Variants in NUP214 observed in about 807,000 individuals in gnomAD.
The protein encoded by NUP214 is nucleoporin 214.
In NUP214, 79 loss-of-function variants were observed where a neutral mutation model predicts 196.2. The observed-to-expected ratio is 0.40, with a 90% CI of 0.34 to 0.49. NUP214 has a LOEUF of 0.49. Among genes scored for constraint, NUP214 ranks in the 20% least tolerant of loss-of-function variants. The pLI, the probability that NUP214 is intolerant of heterozygous loss-of-function variation, is 0.58. For missense variants in NUP214, 2,468 were observed against 2,539.0 expected, an observed-to-expected ratio of 0.97 and a Z score of 0.60; for synonymous variants, 1,020 against 990.5, an observed-to-expected ratio of 1.03 and a Z score of -0.56.
intron 31 of NUP214, among the ~76,000 whole-genome samples, chr9:131,219,833 C>T (rs1164842265): frequency 6.6e-6 from 1 of 152,164 alleles, no homozygotes; most frequent in African/African-American, 2.4e-5. Flanking sequence ...AAGAAAATAT[C>T]TTGGAAAGTA....
At chr9:131,132,139 G>A (rs1831570472) in intron 5 of NUP214, among the ~76,000 whole-genome samples, 2 of 70,680 alleles carry the variant, frequency 2.8e-5, no homozygotes, top group Non-Finnish European at 5.7e-5. Flanking sequence ...TTTTTTTGGA[G>A]ACCAAGTTTT....
At chr9:131,149,155 C>A (rs1048494702) in intron 14 of NUP214, among the ~76,000 whole-genome samples, 5 of 139,696 alleles carry the variant, frequency 3.6e-5, no homozygotes, top group African/African-American at 1.3e-4. Context: ...ACCCTTGTAC[C>A]CTAACACACA....
chr9:131,169,839 A>G (rs995675104), intron 21 of NUP214, among the ~76,000 whole-genome samples: 37 of 152,156 alleles, frequency 2.4e-4, no homozygotes, highest in African/African-American at 7.7e-4. Flanking sequence ...CAGCTGGTCT[A>G]TGGTTGTAGT....
chr9:131,189,172 A>C (rs753396095), intron 26 of NUP214, 41 bp downstream of exon 26: 6 of 1,475,008 alleles, frequency 4.1e-6, no homozygotes, highest in Non-Finnish European at 5.7e-6. Flanking sequence ...TGAAAGAAGC[A>C]CTCCACAATA....
chr9:131,135,048 G>T (rs1564178691), intron 8 of NUP214, 44 bp downstream of exon 8: 1 of 1,283,766 alleles, frequency 7.8e-7, no homozygotes, highest in Non-Finnish European at 1.1e-6. Flanking sequence ...CTCACTGGAA[G>T]ATCACACCTG....
intron 5 of NUP214, among the ~76,000 whole-genome samples, chr9:131,132,064 T>G (rs1018153184): frequency 6.6e-6 from 1 of 151,614 alleles, no homozygotes; most frequent in South Asian, 2.1e-4. Context: ...TTGACTACTC[T>G]CATTACCTAT....
intron 11 of NUP214, among the ~76,000 whole-genome samples, chr9:131,142,391 G>C (rs1187621635): frequency 1.3e-5 from 2 of 152,248 alleles, no homozygotes; most frequent in African/African-American, 4.8e-5. Context: ...GTGTTCAGAT[G>C]TGTAGAAGAG....
At chr9:131,139,545 G>C in intron 10 of NUP214, 138 bp downstream of exon 10, 1 of 1,309,466 alleles carries the variant, frequency 7.6e-7, no homozygotes, top group Non-Finnish European at 1.0e-6. Context: ...TCTCCCTGAA[G>C]AGTGATAACA....
At chr9:131,177,709 G>A (rs1326411973) in intron 23 of NUP214, among the ~76,000 whole-genome samples, 8 of 152,054 alleles carry the variant, frequency 5.3e-5, no homozygotes, top group African/African-American at 1.7e-4. Flanking sequence ...AGTCTTTTGG[G>A]ATACAATTTA....
In NUP214 at chr9:131,197,323, A is replaced by C; in HGVS notation, c.3829A>C (p.Ile1277Leu). The change falls in exon 29 of 36, where the codon ATC (isoleucine) becomes CTC (leucine). Residue 1277 changes from isoleucine (I) to leucine (L), a missense_variant. Physicochemically the swap from Ile to Leu is conservative, Grantham distance 5. Transcript: ENST00000359428. ...AIPESSPPSGITSASNTTPGE... is the reference protein window; with the variant it reads ...AIPESSPPSGLTSASNTTPGE... ...TCCTGAAAGCTCACCTCCCTCAGGAATCACATCCGCATCAAACACCACCCC... is the reference window on the plus strand; with the variant it reads ...TCCTGAAAGCTCACCTCCCTCAGGACTCACATCCGCATCAAACACCACCCC... 6.2e-7 allele frequency: 1 copy of C among 1,614,196 alleles called. No individual in the cohort carries two copies. Among genetic ancestry groups the C allele is most frequent in the South Asian group, 1.1e-5 (1 of 91,088 alleles).
intron 26 of NUP214, chr9:131,190,288 T>C: frequency 1.9e-6 from 1 of 531,544 alleles, no homozygotes; most frequent in Non-Finnish European, 3.3e-6. Flanking sequence ...CATATACTCT[T>C]TTTTCAAGGA....
rs1833176295 is a variant in NUP214, at chr9:131,178,440, C to A, written c.3419+30C>A. The A allele has an allele frequency of 9.2e-6, 14 of 1,524,696 alleles. No homozygotes were observed. The East Asian group carries it at 3.2e-4, about 34-fold the overall frequency. The allele number at this position is 1,524,696 out of a possible 1,614,324, so 94.4% of individuals were successfully genotyped here. A position where few individuals can be genotyped will look rare whatever the true frequency, so the allele number is the denominator to read the frequency against. On this transcript the variant is annotated intron_variant, in intron 24 of 35. Coordinates refer to ENST00000359428, the MANE Select transcript of NUP214 (RefSeq NM_005085.4). Reference sequence around the variant, plus strand: ...GTTCTGACTGCAGTGTGTTTCAGCCCCTGGCTGCTTCTGTAGTAGCGGTGG... The same window carrying A: ...GTTCTGACTGCAGTGTGTTTCAGCCACTGGCTGCTTCTGTAGTAGCGGTGG...
chr9:131,138,807 G>C (rs1831817211), intron 9 of NUP214, among the ~76,000 whole-genome samples: 1 of 152,196 alleles, frequency 6.6e-6, no homozygotes, highest in Non-Finnish European at 1.5e-5. Flanking sequence ...AGTGAGCGCA[G>C]GGCATCTGAG....
intron 25 of NUP214, 22 bp from the exon 26 acceptor site, chr9:131,189,031 T>G: frequency 6.4e-7 from 1 of 1,564,860 alleles, no homozygotes. Flanking sequence ...AACATAAACA[T>G]TTTGCTTGCA....
At position 131,125,935 on chromosome 9, in the gene NUP214, T is replaced by G. The variant is rs1831333435; in HGVS notation, c.45+186T>G. ...AGCCCCACCGAATGCAGTTTCCCAG[T>G]CCCATCCTGGTCTCGTGCACGGCTG... On this transcript the variant is annotated intron_variant, in intron 1 of 35. Transcript: ENST00000359428. This position sits in a 1 kb window ranked among gnomAD's most constrained non-coding sequence, Gnocchi z 4.1. 1.4e-6 allele frequency: 1 copy of G among 695,164 alleles called. No homozygotes were observed. The allele number at this position is 695,164 out of a possible 1,614,324, so 43.1% of individuals were successfully genotyped here. A position where few individuals can be genotyped will look rare whatever the true frequency, so the allele number is the denominator to read the frequency against.
At chr9:131,128,618 C>A in intron 3 of NUP214, 135 bp downstream of exon 3, 1 of 692,116 alleles carries the variant, frequency 1.4e-6, no homozygotes, top group Non-Finnish European at 2.2e-6. Context: ...AAAAAAAAAT[C>A]CTTAATTATA....
At chr9:131,165,006 TCA>T (rs1172864878) in intron 21 of NUP214, among the ~76,000 whole-genome samples, 1 of 152,244 alleles carries the variant, frequency 6.6e-6, no homozygotes, top group African/African-American at 2.4e-5. Context: ...TTTTCTGTAC[TCA>T]CATAGAGCTA....
At chr9:131,131,607 A>G (rs1831545847) in intron 5 of NUP214, among the ~76,000 whole-genome samples, 1 of 152,204 alleles carries the variant, frequency 6.6e-6, no homozygotes, top group South Asian at 2.1e-4. Context: ...ATAATCTTTT[A>G]GGACACTAAC....
chr9:131,200,592 C>G (rs542339930), intron 29 of NUP214, among the ~76,000 whole-genome samples: 1 of 152,278 alleles, frequency 6.6e-6, no homozygotes, highest in South Asian at 2.1e-4. Flanking sequence ...GCATGTAGTC[C>G]CAGCTACTTG....
Sources: gnomAD v4.1 joint callset for allele counts (sites outside exome capture counted in the v4.1 genomes callset) on GRCh38, gnomAD v4.1.1 for gene constraint, Gnocchi (gnomAD v3.1) non-coding constraint, MANE v1.5 for transcripts, NCBI Gene and HGNC (gene_info 2026-07-23, HGNC 2026-07-21) for gene names.